The following CALD1 variants were observed in gnomAD, a reference collection of about 807,000 sequenced individuals.
The protein encoded by CALD1 is caldesmon 1, also known as caldesmon.
CALD1 carries 33 observed loss-of-function variants against 99.9 expected under a neutral mutation model. That is an observed-to-expected ratio of 0.33 (90% CI 0.25 to 0.44). The LOEUF (loss-of-function observed/expected upper bound fraction) is 0.44, where lower values mean the gene tolerates loss of function less well. CALD1 is among the 20% of genes least tolerant of loss of function. The pLI, the probability that CALD1 is intolerant of heterozygous loss-of-function variation, is 1.00. For synonymous variants in CALD1, 310 were observed against 325.0 expected, an observed-to-expected ratio of 0.95 and a Z score of 0.50; for missense variants, 861 against 962.1, an observed-to-expected ratio of 0.89 and a Z score of 1.39.
At chr7:134,946,916 A>G (rs1806925774) in intron 7 of CALD1, among the ~76,000 whole-genome samples, 1 of 151,540 alleles carries the variant, frequency 6.6e-6, no homozygotes, top group Non-Finnish European at 1.5e-5. Context: ...TAAACTCCTG[A>G]GCTCAGGCAA....
At chr7:134,887,484 C>T (rs954123299) in intron 3 of CALD1, among the ~76,000 whole-genome samples, 2 of 152,198 alleles carry the variant, frequency 1.3e-5, no homozygotes, top group African/African-American at 4.8e-5. Context: ...CCTTTTCAAA[C>T]GTCCCCTTTG....
chr7:134,963,980 T>C (rs1028349173), intron 13 of CALD1, among the ~76,000 whole-genome samples: 2 of 152,088 alleles, frequency 1.3e-5, no homozygotes, highest in African/African-American at 4.8e-5. Flanking sequence ...GGGCAGATTA[T>C]GAGGTCAGGA....
chr7:134,784,788 G>T (rs556639211), intron 1 of CALD1, among the ~76,000 whole-genome samples: 1 of 152,266 alleles, frequency 6.6e-6, no homozygotes, highest in Admixed American at 6.5e-5. Context: ...TGGGTGAGAG[G>T]ATCCCAGCCG....
At position 134,796,576 on chromosome 7, in the gene CALD1, C is replaced by T. The variant is rs144393046; in HGVS notation, c.-130+16827C>T. ...CCCCAGTTCCAGCCTTTCCTTCTTTCATTTTTATTTATTTATTTTCTTAGA... is the reference window on the plus strand; with the variant it reads ...CCCCAGTTCCAGCCTTTCCTTCTTTTATTTTTATTTATTTATTTTCTTAGA... On this transcript the variant is annotated intron_variant, in intron 1 of 14. Coordinates refer to ENST00000361675, the MANE Select transcript of CALD1 (RefSeq NM_033138.4). Among the ~76,000 whole-genome samples, 1,057 of 152,072 alleles carry T rather than the reference C, an allele frequency of 7.0e-3. 22 individuals are homozygous for T. The highest frequency in any genetic ancestry group is 0.024 in the African/African-American group (995 of 41,476).
intron 3 of CALD1, among the ~76,000 whole-genome samples, chr7:134,868,793 TG>T (rs1447878296): frequency 6.6e-6 from 1 of 152,166 alleles, no homozygotes; most frequent in Admixed American, 6.5e-5. Context: ...GCACTATGGA[TG>T]GTACCTGCAT....
intron 3 of CALD1, among the ~76,000 whole-genome samples, chr7:134,876,797 T>C (rs969996658): frequency 2.0e-5 from 3 of 152,220 alleles, no homozygotes; most frequent in African/African-American, 7.2e-5. Context: ...CAAATGACTT[T>C]TCTCTCTAAA....
intron 3 of CALD1, among the ~76,000 whole-genome samples, chr7:134,904,319 A>C (rs902328043): frequency 6.6e-5 from 10 of 151,908 alleles, no homozygotes; most frequent in Non-Finnish European, 1.5e-4. Flanking sequence ...GGTGGCTCAC[A>C]CCTGTAATCC....
the CALD1 span, among the ~76,000 whole-genome samples, chr7:134,727,264 TAGTG>T: frequency 6.6e-6 from 1 of 152,232 alleles, no homozygotes; most frequent in Non-Finnish European, 1.5e-5. Flanking sequence ...CTACTGATGT[TAGTG>T]AGAGCCATGT....
chr7:134,719,805 G>T, the CALD1 span, among the ~76,000 whole-genome samples: 1 of 152,212 alleles, frequency 6.6e-6, no homozygotes, highest in African/African-American at 2.4e-5. Flanking sequence ...TTAAGGGAAT[G>T]AATTTTGAGA....
intron 3 of CALD1, among the ~76,000 whole-genome samples, chr7:134,908,928 T>C (rs993487638): frequency 1.3e-5 from 2 of 152,322 alleles, no homozygotes; most frequent in Admixed American, 6.5e-5. Flanking sequence ...CAAAATCAAC[T>C]TCTAGACACA....
At chr7:134,887,770 GTGTA>G (rs1286549322) in intron 3 of CALD1, among the ~76,000 whole-genome samples, 6 of 150,974 alleles carry the variant, frequency 4.0e-5, no homozygotes, top group African/African-American at 7.4e-5. Flanking sequence ...GTGCCTGCGT[GTGTA>G]TGTGTGTGCA....
rs542559729 is a variant in CALD1, at chr7:134,892,557, A to T, written c.71+24753A>T. On this transcript the variant is annotated intron_variant, in intron 3 of 14. Coordinates refer to ENST00000361675, the MANE Select transcript of CALD1 (RefSeq NM_033138.4). ...TTGTTCCAGCGTTTGTGCAACAGTT[A>T]ATCAAATAAACAGAGAAACTCATCA... Among the ~76,000 whole-genome samples, 132 of 152,312 alleles carry T rather than the reference A, an allele frequency of 8.7e-4. 1 individual carries two copies. The highest frequency in any genetic ancestry group is 2.9e-3 in the African/African-American group (119 of 41,576).
intron 3 of CALD1, among the ~76,000 whole-genome samples, chr7:134,895,338 GTGTGTA>G (rs1266078274): frequency 2.1e-5 from 3 of 146,146 alleles, no homozygotes; most frequent in African/African-American, 5.3e-5. Context: ...GTGTGTGTGT[GTGTGTA>G]TGTATTTAGT....
chr7:134,835,993 A>G (rs904107939), intron 1 of CALD1, among the ~76,000 whole-genome samples: 25 of 151,868 alleles, frequency 1.6e-4, no homozygotes, highest in African/African-American at 5.8e-4. Flanking sequence ...AAAAATACAA[A>G]CATTAGCTAG....
At chr7:134,786,632 C>T (rs1041434596) in intron 1 of CALD1, among the ~76,000 whole-genome samples, 1 of 152,070 alleles carries the variant, frequency 6.6e-6, no homozygotes, top group South Asian at 2.1e-4. Flanking sequence ...GTGCGTGGCA[C>T]ACGGCAGAAT....
intron 3 of CALD1, among the ~76,000 whole-genome samples, chr7:134,912,020 G>A (rs1803850911): frequency 6.6e-6 from 1 of 152,050 alleles, no homozygotes; most frequent in African/African-American, 2.4e-5. Context: ...GATAAGCGGG[G>A]TCTCGGTAAA....
chr7:134,724,629 A>C, the CALD1 span, among the ~76,000 whole-genome samples: 1 of 152,252 alleles, frequency 6.6e-6, no homozygotes, highest in Non-Finnish European at 1.5e-5. Flanking sequence ...TAGCTGGCTA[A>C]AGAACTCTTG....
At chr7:134,859,816 C>T (rs1157402687) in intron 2 of CALD1, among the ~76,000 whole-genome samples, 1 of 152,120 alleles carries the variant, frequency 6.6e-6, no homozygotes, top group East Asian at 1.9e-4. Flanking sequence ...ATGGTGTCTT[C>T]CTAAGTGTTG....
intron 1 of CALD1, among the ~76,000 whole-genome samples, chr7:134,816,293 A>G (rs919298162): frequency 6.6e-6 from 1 of 152,208 alleles, no homozygotes; most frequent in African/African-American, 2.4e-5. Flanking sequence ...CACTGCATCA[A>G]GTAAGGATGA....
Sources: gnomAD v4.1 joint callset for allele counts (sites outside exome capture counted in the v4.1 genomes callset) on GRCh38, gnomAD v4.1.1 for gene constraint, MANE v1.5 for transcripts, NCBI Gene and HGNC (gene_info 2026-07-23, HGNC 2026-07-21) for gene names.